Variants in CHD3 observed in about 807,000 individuals in gnomAD.
CHD3 encodes the protein ATP-dependent chromatin remodeler CHD3.
Under a neutral mutation model 248.9 loss-of-function variants are expected in CHD3, and 52 were observed. That is an observed-to-expected ratio of 0.21 (90% confidence interval 0.17 to 0.26). The LOEUF is 0.26. CHD3 is among the 10% of genes least tolerant of loss of function. CHD3 has a pLI of 1.00. For synonymous variants in CHD3, 985 were observed against 985.2 expected (o/e 1.00, Z 0.00); for missense variants, 1,482 against 2,605.8 (o/e 0.57, Z 9.39).
rs1971090426 is a variant in CHD3 at position 7,907,290 on chromosome 17, G to A, written c.4788+43G>A. The A allele has an allele frequency of 1.9e-6, 3 of 1,613,560 alleles. No homozygotes were observed. The highest frequency in any genetic ancestry group is 8.5e-7 in the Non-Finnish European group (1 of 1,179,746). On this transcript the variant is annotated intron_variant, in intron 31 of 39. Transcript: ENST00000330494. This position sits in a 1 kb window ranked among gnomAD's most constrained non-coding sequence, Gnocchi z 4.3. The stretch of plus-strand genomic sequence containing the variant: ...TTCCCCTGTGGAGCGGGAGGGGAGG[G>A]GGCTTGGAGGCCAGGTACCTGGGAG...
In CHD3 at chr17:7,906,058, G is replaced by C; in HGVS notation, c.4358+69G>C. On this transcript the variant is annotated intron_variant, in intron 28 of 39. Transcript: ENST00000330494. The surrounding 1 kb of genome is among the most constrained non-coding windows in gnomAD (Gnocchi z 5.0). Reference sequence around the variant, plus strand: ...AGCTTTGGGTGTTCCTTTCTTCCTTGGGGCCGCCATATGATGTGACCTTAC... The same window carrying C: ...AGCTTTGGGTGTTCCTTTCTTCCTTCGGGCCGCCATATGATGTGACCTTAC... 1 of 1,597,518 alleles carries C rather than the reference G, an allele frequency of 6.3e-7. No individual in the cohort carries two copies. The highest frequency in any genetic ancestry group is 8.6e-7 in the Non-Finnish European group (1 of 1,168,686).
upstream of CHD3, chr17:7,884,899 G>C: frequency 2.2e-6 from 3 of 1,390,242 alleles, no homozygotes; most frequent in Admixed American, 4.6e-5. Context: ...GCGACGAGGA[G>C]GAGGAGGAGG....
chr17:7,887,337 G>T (rs1424380458), upstream of CHD3, among the ~76,000 whole-genome samples: 2 of 151,790 alleles, frequency 1.3e-5, no homozygotes, highest in Admixed American at 1.3e-4. Context: ...ATTGTTAAAC[G>T]TTTAAAATAA....
intron 10 of CHD3, among the ~76,000 whole-genome samples, chr17:7,896,398 T>C (rs554619181): frequency 6.7e-6 from 1 of 148,686 alleles, no homozygotes; most frequent in African/African-American, 2.5e-5. Flanking sequence ...TCCTTTTTCT[T>C]TTTTTTTCTA....
upstream of CHD3, among the ~76,000 whole-genome samples, chr17:7,886,910 C>T (rs920014383): frequency 6.6e-6 from 1 of 152,078 alleles, no homozygotes; most frequent in Non-Finnish European, 1.5e-5. The surrounding 1 kb of genome is among the most constrained non-coding windows in gnomAD (Gnocchi z 4.2). Context: ...CCCGGCCTCC[C>T]CTTTCCCTCT....
At chr17:7,898,299 G>A (rs1969923860) in intron 12 of CHD3, among the ~76,000 whole-genome samples, 197 bp downstream of exon 12, 4 of 152,192 alleles carry the variant, frequency 2.6e-5, no homozygotes, top group Admixed American at 2.6e-4. Context: ...GCTGAGTAGT[G>A]GAGAAGAGGA....
rs766581980 is a variant in CHD3 at position 7,905,997 on chromosome 17, T to C, written c.4358+8T>C. The C allele has an allele frequency of 1.9e-6, 3 of 1,613,592 alleles. No homozygotes were observed. Among genetic ancestry groups the C allele is most frequent in the Non-Finnish European group, 1.7e-6 (2 of 1,179,728 alleles). The stretch of plus-strand genomic sequence containing the variant: ...GACTGAGAAGGAGTTTAAGTGAGTG[T>C]GGGTGATACAGGGCTGAGTTGGACG... On this transcript the variant is annotated splice_region_variant and intron_variant, in intron 28 of 39. Transcript: ENST00000330494. The surrounding 1 kb of genome is among the most constrained non-coding windows in gnomAD (Gnocchi z 5.8).
At chr17:7,898,807 C>G (rs1437431649) in intron 13 of CHD3, among the ~76,000 whole-genome samples, 1 of 152,184 alleles carries the variant, frequency 6.6e-6, no homozygotes, top group Non-Finnish European at 1.5e-5. Context: ...CTGTCACCAG[C>G]TGGCCCTTCC....
intron 2 of CHD3, 130 bp from the exon 3 acceptor site, chr17:7,890,441 G>T: frequency 1.5e-6 from 1 of 660,468 alleles, no homozygotes; most frequent in Non-Finnish European, 2.4e-6. Flanking sequence ...AAAAAAAAAA[G>T]GAGATAAAAA....
chr17:7,891,512 T>G (rs1363105616), intron 4 of CHD3, among the ~76,000 whole-genome samples: 1 of 152,116 alleles, frequency 6.6e-6, no homozygotes, highest in African/African-American at 2.4e-5. Flanking sequence ...CTGCTGGCAG[T>G]GGGACCTGAG....
Position 7,910,734 on chromosome 17 carries a change from T to G in CHD3, c.5755-113T>G. 2.5e-5 allele frequency: 38 copies of G among 1,510,848 alleles called. 1 individual carries two copies. The highest frequency in any genetic ancestry group is 3.3e-5 in the Non-Finnish European group (37 of 1,121,762). The allele number at this position is 1,510,848 out of a possible 1,614,324, so 93.6% of individuals were successfully genotyped here. Reference sequence around the variant, plus strand: ...TCACCCTTGAGTGAGTCTCCCTGCCTGTGTATCCTACCCTTAGCAGTTGTG... The same window carrying G: ...TCACCCTTGAGTGAGTCTCCCTGCCGGTGTATCCTACCCTTAGCAGTTGTG... On this transcript the variant is annotated intron_variant, in intron 38 of 39. Coordinates refer to ENST00000330494, the MANE Select transcript of CHD3 (RefSeq NM_001005273.3). The surrounding 1 kb of genome is among the most constrained non-coding windows in gnomAD (Gnocchi z 4.7).
rs980162089 is a variant in CHD3, at chr17:7,903,646, G to T, written c.3727+143G>T. The T allele has an allele frequency of 2.0e-6, 2 of 1,004,574 alleles. No homozygotes were observed. The highest frequency in any genetic ancestry group is 2.6e-5 in the East Asian group (1 of 38,238). 62.2% of individuals were successfully genotyped at this position (1,004,574 alleles called of 1,614,324 possible). On this transcript the variant is annotated intron_variant, in intron 23 of 39. Coordinates refer to ENST00000330494, the MANE Select transcript of CHD3 (RefSeq NM_001005273.3). The surrounding 1 kb of genome is among the most constrained non-coding windows in gnomAD (Gnocchi z 6.8). ...TTCTTTTAGTAGCCCTTGGAGGAAG[G>T]TTGGCCTCTTTCTTTGCCTGTAGGG...
intron 12 of CHD3, 37 bp downstream of exon 12, chr17:7,898,139 C>G: frequency 6.2e-7 from 1 of 1,606,648 alleles, no homozygotes; most frequent in Non-Finnish European, 8.5e-7. Flanking sequence ...GGGATTCTGA[C>G]GATGAGGGCA....
At position 7,905,334 on chromosome 17, in the gene CHD3, T is replaced by G. The variant is rs1970800415; in HGVS notation, c.4138+169T>G. The G allele has an allele frequency of 4.4e-6, 3 of 687,292 alleles. No homozygotes were observed. Among genetic ancestry groups the G allele is most frequent in the Admixed American group, 2.2e-5 (1 of 44,470 alleles). The allele number at this position is 687,292 out of a possible 1,614,324, so 42.6% of individuals were successfully genotyped here. On this transcript the variant is annotated intron_variant, in intron 26 of 39. Transcript: ENST00000330494. The surrounding 1 kb of genome is among the most constrained non-coding windows in gnomAD (Gnocchi z 5.8). ...ATTCATAGTCTCTCTGCTAGTAAAC[T>G]TCGGTGTGTGTGACCACATAGGCTA...
At chr17:7,892,622 G>A (rs367681308) in intron 4 of CHD3, among the ~76,000 whole-genome samples, 6 of 150,916 alleles carry the variant, frequency 4.0e-5, no homozygotes, top group African/African-American at 7.3e-5. Flanking sequence ...TCAGCCTCCC[G>A]AGTAGCTGAG....
chr17:7,893,637 G>T, intron 5 of CHD3, 68 bp downstream of exon 5: 1 of 1,529,500 alleles, frequency 6.5e-7, no homozygotes, highest in Non-Finnish European at 8.8e-7. Context: ...TTAGAGTCTG[G>T]AACTCTCGCC....
At chr17:7,885,055 GC>G (rs1192997430), upstream of CHD3, 2 of 999,066 alleles carry the variant, frequency 2.0e-6, no homozygotes, top group Non-Finnish European at 2.4e-6. Flanking sequence ...CGCCACCGCT[GC>G]CCCCGCCGCC....
chr17:7,907,016 T>C lies in CHD3; in HGVS notation c.4651T>C (p.Cys1551Arg), dbSNP rs960431387. The C allele has an allele frequency of 3.1e-6, 5 of 1,614,042 alleles. No individual in the cohort carries two copies. Among genetic ancestry groups the C allele is most frequent in the African/African-American group, 1.3e-5 (1 of 74,924 alleles). Residue 1551 changes from cysteine to arginine, a missense_variant, in exon 30 of 40, where the codon TGC becomes CGC. Transcript: ENST00000330494. The surrounding 1 kb of genome is among the most constrained non-coding windows in gnomAD (Gnocchi z 4.3). ...TGAGGCTTCTGCTACCAACAGTCCC[T>C]GCACCTCTAAACCTGGTAATCAGAA... ...TPEASATNSP[C>R]TSKPATPAPS...
rs1349288905 is a variant in CHD3 at position 7,899,550 on chromosome 17, C to T, written c.2544+7C>T. 1 of 1,611,222 alleles carries T rather than the reference C, an allele frequency of 6.2e-7. No homozygotes were observed. The highest frequency in any genetic ancestry group is 8.5e-7 in the Non-Finnish European group (1 of 1,177,946). Reference sequence around the variant, plus strand: ...GAAAGCTTTTAAGATGAAGGTAAGACCCTCTACCTCATATCCTCTGAGACC... The same window carrying T: ...GAAAGCTTTTAAGATGAAGGTAAGATCCTCTACCTCATATCCTCTGAGACC... On this transcript the variant is annotated splice_region_variant and intron_variant, in intron 15 of 39. Transcript: ENST00000330494. The surrounding 1 kb of genome is among the most constrained non-coding windows in gnomAD (Gnocchi z 6.8).
Sources: allele counts gnomAD v4.1 joint callset (sites outside exome capture counted in the v4.1 genomes callset), GRCh38; gene constraint gnomAD v4.1.1; non-coding constraint Gnocchi (gnomAD v3.1); transcripts MANE v1.5; gene names NCBI Gene and HGNC (gene_info 2026-07-23, HGNC 2026-07-21).